CREB1: variants seen among roughly 807,000 people sequenced by gnomAD.
CREB1 encodes the protein cAMP responsive element binding protein 1.
CREB1 carries 2 observed loss-of-function variants against 42.0 expected under a neutral mutation model. That is an observed-to-expected ratio of 0.05 (90% CI 0.02 to 0.15). The LOEUF (loss-of-function observed/expected upper bound fraction) is 0.15. Ranked by LOEUF, CREB1 falls within the 10% of genes least tolerant of loss-of-function variation. The probability of loss-of-function intolerance (pLI) is 1.00; values close to 1 mark genes in which losing one functional copy is unlikely to be tolerated. For synonymous variants in CREB1, 123 were observed against 139.9 expected (o/e 0.88, Z 0.85); for missense variants, 199 against 388.9 (o/e 0.51, Z 4.11).
chr2:207,530,286 C>T (rs1559254724), intron 1 of CREB1, among the ~76,000 whole-genome samples, 152 bp downstream of exon 1: 1 of 151,894 alleles, frequency 6.6e-6, no homozygotes, highest in African/African-American at 2.4e-5. Context: ...CACAACATCG[C>T]CGCCGCTCGC....
At chr2:207,560,435 C>T in intron 3 of CREB1, 63 bp downstream of exon 3, 1 of 1,490,442 alleles carries the variant, frequency 6.7e-7, no homozygotes, top group Non-Finnish European at 9.2e-7. Flanking sequence ...TATCTCTCTC[C>T]TTTCACTAGT....
chr2:207,577,239 TAAC>T, intron 6 of CREB1: 1 of 1,104,046 alleles, frequency 9.1e-7, no homozygotes, highest in South Asian at 2.1e-5. Context: ...GTAAGCATGT[TAAC>T]AACAGAATAG....
At chr2:207,595,553 G>A (rs996300487) in intron 7 of CREB1, among the ~76,000 whole-genome samples, 7 of 151,528 alleles carry the variant, frequency 4.6e-5, no homozygotes, top group Non-Finnish European at 7.4e-5. Context: ...GAGACTACAC[G>A]CACACACCAC....
chr2:207,558,382 C>T (rs756292626), intron 2 of CREB1, among the ~76,000 whole-genome samples: 12 of 152,202 alleles, frequency 7.9e-5, no homozygotes, highest in Non-Finnish European at 1.6e-4. Context: ...TAAGGACAGT[C>T]TGCCAATTCT....
rs10185283 is a variant in CREB1 at position 207,564,884 on chromosome 2, A to T, written c.262-2579A>T. 3.7e-3 allele frequency among the ~76,000 whole-genome samples: 564 copies of T among 152,318 alleles called. 5 individuals are homozygous for T. The highest frequency in any genetic ancestry group is 0.013 in the African/African-American group (542 of 41,568). On this transcript the variant is annotated intron_variant, in intron 3 of 7. Transcript: ENST00000353267. ...AAGTTAATAAGTGATAGGAGATGAGAATAAAAGGAAGGGGTTCCATCATTG... is the reference window on the plus strand; with the variant it reads ...AAGTTAATAAGTGATAGGAGATGAGTATAAAAGGAAGGGGTTCCATCATTG...
At chr2:207,562,420 C>G (rs573245123) in intron 3 of CREB1, among the ~76,000 whole-genome samples, 15 of 152,162 alleles carry the variant, frequency 9.9e-5, no homozygotes, top group African/African-American at 3.6e-4. Context: ...AATCTTTATT[C>G]TGGGGCAACA....
At chr2:207,580,893 G>T in intron 7 of CREB1, 1 of 218,660 alleles carries the variant, frequency 4.6e-6, no homozygotes, top group Non-Finnish European at 9.2e-6. Context: ...CAATGCTTTT[G>T]AAAGCATTTG....
At chr2:207,536,540 A>G (rs2080877336) in intron 1 of CREB1, among the ~76,000 whole-genome samples, 1 of 152,116 alleles carries the variant, frequency 6.6e-6, no homozygotes, top group East Asian at 1.9e-4. Context: ...GGGCGACAAG[A>G]GCGAAACTCT....
At chr2:207,566,561 T>A (rs2082148713) in intron 3 of CREB1, among the ~76,000 whole-genome samples, 1 of 152,090 alleles carries the variant, frequency 6.6e-6, no homozygotes, top group Admixed American at 6.6e-5. Context: ...ACTATAACAG[T>A]CTGGTTTGAG....
At chr2:207,541,676 T>G (rs1266333514) in intron 1 of CREB1, among the ~76,000 whole-genome samples, 1 of 152,242 alleles carries the variant, frequency 6.6e-6, no homozygotes, top group Non-Finnish European at 1.5e-5. Flanking sequence ...GATTCTTTTT[T>G]AAACAGCTTT....
chr2:207,595,334 G>A (rs1409692545), intron 7 of CREB1, among the ~76,000 whole-genome samples: 7 of 151,878 alleles, frequency 4.6e-5, no homozygotes, highest in Non-Finnish European at 1.0e-4. Context: ...TATATCTCTG[G>A]AGAAATCTCT....
At chr2:207,548,773 C>A (rs2551642) in intron 1 of CREB1, among the ~76,000 whole-genome samples, 23,671 of 151,912 alleles carry the variant, frequency 0.16, 2,034 homozygotes, top group Middle Eastern at 0.2. Flanking sequence ...CGCTCCCCCC[C>A]AAAAAGATTC....
intron 1 of CREB1, among the ~76,000 whole-genome samples, chr2:207,538,709 A>G (rs2080974301): frequency 6.6e-6 from 1 of 152,256 alleles, no homozygotes; most frequent in African/African-American, 2.4e-5. Flanking sequence ...GTTTAGGAGT[A>G]GAGTGGATCT....
rs779462684 is a variant in CREB1 at position 207,584,890 on chromosome 2, TC to T, written c.839+7236del. Among the ~76,000 whole-genome samples the T allele has an allele frequency of 1.5e-3, 230 of 152,346 alleles. 2 individuals are homozygous for T. In the Middle Eastern group the frequency reaches 0.017, roughly 11 times the overall value. On this transcript the variant is annotated intron_variant, in intron 7 of 7. Transcript: ENST00000353267. The stretch of plus-strand genomic sequence containing the variant: ...TCTTTAATTTTCTTAACATTATCTA[TC>T]TTTTGCAGAGCAAAAGGTTGCCATT...
intron 1 of CREB1, among the ~76,000 whole-genome samples, chr2:207,543,722 C>A (rs2081190331): frequency 6.6e-6 from 1 of 152,000 alleles, no homozygotes; most frequent in Non-Finnish European, 1.5e-5. Flanking sequence ...CCTGCCTCAG[C>A]CTACCGAGTA....
chr2:207,547,157 TC>T (rs1472979112), intron 1 of CREB1, among the ~76,000 whole-genome samples: 1 of 152,216 alleles, frequency 6.6e-6, no homozygotes, highest in Non-Finnish European at 1.5e-5. Flanking sequence ...TTTTCACTCT[TC>T]CATGTCCAAT....
intron 2 of CREB1, chr2:207,559,388 C>A: frequency 1.7e-6 from 1 of 574,800 alleles, no homozygotes; most frequent in Non-Finnish European, 2.2e-6. Context: ...AACCTCATTA[C>A]TAAACTGAAT....
At chr2:207,561,145 T>C in intron 3 of CREB1, 1 of 1,613,316 alleles carries the variant, frequency 6.2e-7, no homozygotes, top group Non-Finnish European at 8.5e-7. Context: ...TAAAAAGACT[T>C]TTCTCCGGAA....
chr2:207,547,897 C>G (rs755489321), intron 1 of CREB1, among the ~76,000 whole-genome samples: 1 of 151,596 alleles, frequency 6.6e-6, no homozygotes, highest in Non-Finnish European at 1.5e-5. Context: ...AGATGGCTGT[C>G]AAACCATGCA....
Sources: gnomAD v4.1 joint callset for allele counts (sites outside exome capture counted in the v4.1 genomes callset) on GRCh38, gnomAD v4.1.1 for gene constraint, MANE v1.5 for transcripts, NCBI Gene and HGNC (gene_info 2026-07-23, HGNC 2026-07-21) for gene names.